The following CNTROB variants were observed in gnomAD, a reference collection of about 807,000 sequenced individuals.
The protein encoded by CNTROB is centrobin, centriole duplication and spindle assembly protein, also known as centrobin.
A neutral mutation model predicts 115.7 loss-of-function variants in CNTROB; 82 were observed. The ratio of observed to expected loss-of-function variants is 0.71; its 90% CI spans 0.59 to 0.85. CNTROB has a LOEUF of 0.85. Among genes scored for constraint, CNTROB ranks in the 40% least tolerant of loss-of-function variants. CNTROB has a pLI of 0.00. For synonymous variants in CNTROB, 439 were observed against 456.4 expected (o/e 0.96, Z 0.49); for missense variants, 1,014 against 1,144.4 (o/e 0.89, Z 1.64).
In CNTROB at chr17:7,944,783, T is replaced by G. The variant is rs960221347; in HGVS notation, c.1734+145T>G. ...GCCTCGAACTCCTGGGCTCAAGTGA[T>G]CCTCCCACCTCTAACTCCCAAAGTG... On this transcript the variant is annotated intron_variant, in intron 12 of 18. Coordinates refer to ENST00000563694, the MANE Select transcript of CNTROB (RefSeq NM_053051.5). The surrounding 1 kb of genome is among the most constrained non-coding windows in gnomAD (Gnocchi z 4.0). 3 of 903,130 alleles carry G rather than the reference T, an allele frequency of 3.3e-6. No homozygotes were observed. In the African/African-American group the frequency reaches 5.0e-5, roughly 15 times the overall value. The allele number at this position is 903,130 out of a possible 1,614,324, so 55.9% of individuals were successfully genotyped here.
intron 9 of CNTROB, among the ~76,000 whole-genome samples, chr17:7,940,468 G>T (rs1437391075): frequency 3.9e-5 from 6 of 152,128 alleles, no homozygotes; most frequent in African/African-American, 1.2e-4. Flanking sequence ...TTACTTTTAG[G>T]ATTAAATAGA....
chr17:7,940,956 C>T (rs1034264428), intron 9 of CNTROB, among the ~76,000 whole-genome samples: 9 of 152,104 alleles, frequency 5.9e-5, no homozygotes, highest in Non-Finnish European at 8.8e-5. Context: ...ATAAACTGTA[C>T]GTAAACAAAT....
rs779746600 is a variant in CNTROB, at chr17:7,949,431, C to T, written c.2633C>T (p.Thr878Ile). 108 of 1,614,064 alleles carry T rather than the reference C, an allele frequency of 6.7e-5. No individual in the cohort carries two copies. Among genetic ancestry groups the T allele is most frequent in the Non-Finnish European group, 9.1e-5 (107 of 1,180,032 alleles). The change falls in exon 19 of 19, where the codon ACT becomes ATT. Residue 878 changes from threonine to isoleucine, a missense_variant. By Grantham distance (89) the Thr-to-Ile change is moderately conservative (BLOSUM62 -1). Coordinates refer to ENST00000563694, the MANE Select transcript of CNTROB (RefSeq NM_053051.5). ...VPRRLATAPKTEKPPARKKSG... is the reference protein window; with the variant it reads ...VPRRLATAPKIEKPPARKKSG... The stretch of plus-strand genomic sequence containing the variant: ...CGCCGCCTTGCTACAGCCCCCAAGA[C>T]TGAAAAACCTCCCGCACGGAAGAAA...
rs750484204 is a variant in CNTROB at position 7,949,668 on chromosome 17, TTA to T, written c.*162_*163del. The T allele has an allele frequency of 8.1e-5, 51 of 627,568 alleles. No individual in the cohort carries two copies. The highest frequency in any genetic ancestry group is 1.1e-4 in the Non-Finnish European group (45 of 394,442). 38.9% of individuals were successfully genotyped at this position (627,568 alleles called of 1,614,324 possible). A position where few individuals can be genotyped will look rare whatever the true frequency, so the allele number is the denominator to read the frequency against. On this transcript the variant is annotated 3_prime_UTR_variant, in exon 19 of 19. Coordinates refer to ENST00000563694, the MANE Select transcript of CNTROB (RefSeq NM_053051.5). Reference sequence around the variant, plus strand: ...AACCACATTTGGTTGAGTACTTTTTTTATATGTTACATGTTTATATGTCATTT... The same window carrying T: ...AACCACATTTGGTTGAGTACTTTTTTTATGTTACATGTTTATATGTCATTT...
At chr17:7,935,381 A>G (rs1478994769) in intron 4 of CNTROB, among the ~76,000 whole-genome samples, 1 of 152,016 alleles carries the variant, frequency 6.6e-6, no homozygotes, top group African/African-American at 2.4e-5. Context: ...GGGTGCCTGT[A>G]GTCCCAGCTA....
chr17:7,947,117 C>T (rs1329493410), intron 13 of CNTROB, among the ~76,000 whole-genome samples: 1 of 149,994 alleles, frequency 6.7e-6, no homozygotes, highest in Non-Finnish European at 1.5e-5. Context: ...GCCGAGATCG[C>T]GCCGCTGCAC....
chr17:7,932,951 C>T lies in CNTROB; in HGVS notation c.-129C>T. 1 of 1,046,726 alleles carries T rather than the reference C, an allele frequency of 9.6e-7. No homozygotes were observed. The highest frequency in any genetic ancestry group is 1.4e-6 in the Non-Finnish European group (1 of 720,304). 64.8% of individuals were successfully genotyped at this position (1,046,726 alleles called of 1,614,324 possible). On this transcript the variant is annotated 5_prime_UTR_variant, in exon 1 of 19. Coordinates refer to ENST00000563694, the MANE Select transcript of CNTROB (RefSeq NM_053051.5). ...AGAAAGCCTCGATATCCTTAATTCACCAAGGATCCTTGGCGTGGAGTCTTC... is the reference window on the plus strand; with the variant it reads ...AGAAAGCCTCGATATCCTTAATTCATCAAGGATCCTTGGCGTGGAGTCTTC...
In CNTROB at chr17:7,944,541, G is replaced by A. The variant is rs540968480; in HGVS notation, c.1637G>A (p.Arg546Gln). 27 of 1,614,148 alleles carry A rather than the reference G, an allele frequency of 1.7e-5. No individual in the cohort carries two copies. Among genetic ancestry groups the A allele is most frequent in the Admixed American group, 3.3e-5 (2 of 60,018 alleles). Residue 546 changes from arginine (R) to glutamine (Q), a missense_variant, in exon 12 of 19, where the codon CGG becomes CAG. By Grantham distance (43) the Arg-to-Gln change is conservative (BLOSUM62 1). Coordinates refer to ENST00000563694, the MANE Select transcript of CNTROB (RefSeq NM_053051.5). This position sits in a 1 kb window ranked among gnomAD's most constrained non-coding sequence, Gnocchi z 4.0. Reference sequence around the variant, plus strand: ...GGGAACCAGCAGCTGGAGGAGCAGCGGGTGGAGCTGGTGGAAAGACTGCAG... The same window carrying A: ...GGGAACCAGCAGCTGGAGGAGCAGCAGGTGGAGCTGGTGGAAAGACTGCAG... ...QSGNQQLEEQ[R>Q]VELVERLQAM...
chr17:7,933,094 T>C lies in CNTROB; in HGVS notation c.15T>C (p.Ala5=), dbSNP rs754532425. The stretch of plus-strand genomic sequence containing the variant: ...TCCCTGTATTCATGGCAACATCAGC[T>C]GACAGCCCCAGTTCACCCCTCGGGG... The part of the protein sequence containing the change: MATS[A]DSPSSPLGAE... The change falls in exon 1 of 19, where the codon GCT becomes GCC. Residue 5 remains alanine, a synonymous_variant. Coordinates refer to ENST00000563694, the MANE Select transcript of CNTROB (RefSeq NM_053051.5). The C allele has an allele frequency of 6.2e-7, 1 of 1,614,008 alleles. No homozygotes were observed. Among genetic ancestry groups the C allele is most frequent in the Non-Finnish European group, 8.5e-7 (1 of 1,179,944 alleles).
Position 7,944,560 on chromosome 17 carries a change from A to T in CNTROB, c.1656A>T (p.Arg552Ser). ...LEEQRVELVE[R>S]LQAMLQAHWD... ...AGCAGCGGGTGGAGCTGGTGGAAAG[A>T]CTGCAGGCCATGCTGCAGGCCCACT... The change falls in exon 12 of 19, where the codon AGA (arginine) becomes AGT (serine). Residue 552 changes from arginine to serine, a missense_variant. Physicochemically the swap from Arg to Ser is moderately radical, Grantham distance 110. Coordinates refer to ENST00000563694, the MANE Select transcript of CNTROB (RefSeq NM_053051.5). This position sits in a 1 kb window ranked among gnomAD's most constrained non-coding sequence, Gnocchi z 4.0. 1 of 1,614,058 alleles carries T rather than the reference A, an allele frequency of 6.2e-7. No individual in the cohort carries two copies. The highest frequency in any genetic ancestry group is 8.5e-7 in the Non-Finnish European group (1 of 1,179,940).
At position 7,939,227 on chromosome 17, in the gene CNTROB, G is replaced by C. The variant is rs1232301745; in HGVS notation, c.928-286G>C. Among the ~76,000 whole-genome samples the C allele has an allele frequency of 6.6e-6, 1 of 151,820 alleles. No individual in the cohort carries two copies. The highest frequency in any genetic ancestry group is 2.4e-5 in the African/African-American group (1 of 41,278). ...CCTGCCTTTGCCTCCCAAGTAGCTG[G>C]AATTACAGGCACCCACCACCACGCC... On this transcript the variant is annotated intron_variant, in intron 7 of 18. Transcript: ENST00000563694. The surrounding 1 kb of genome is among the most constrained non-coding windows in gnomAD (Gnocchi z 4.4).
intron 7 of CNTROB, among the ~76,000 whole-genome samples, chr17:7,937,966 A>T (rs1973385963): frequency 2.0e-5 from 3 of 149,598 alleles, no homozygotes. Context: ...TGGCCAAAAA[A>T]GGTATGAAAT....
At position 7,944,763 on chromosome 17, in the gene CNTROB, G is replaced by A. The variant is rs553292897; in HGVS notation, c.1734+125G>A. 1.4e-5 allele frequency: 16 copies of A among 1,146,120 alleles called. No individual in the cohort carries two copies. The South Asian group carries it at 2.1e-4, about 15-fold the overall frequency. The allele number at this position is 1,146,120 out of a possible 1,614,324, so 71.0% of individuals were successfully genotyped here. ...TGAGATCATAGCTCATTGCAGCCTC[G>A]AACTCCTGGGCTCAAGTGATCCTCC... On this transcript the variant is annotated intron_variant, in intron 12 of 18. Transcript: ENST00000563694. This position sits in a 1 kb window ranked among gnomAD's most constrained non-coding sequence, Gnocchi z 4.0.
In CNTROB at chr17:7,949,636, G is replaced by C. The variant is rs548746376; in HGVS notation, c.*126G>C. ...TAGAGGTTTTGTAGGGAATCACTTC[G>C]TAAAGAAACCACATTTGGTTGAGTA... is the stretch of plus-strand genomic sequence containing the variant. On this transcript the variant is annotated 3_prime_UTR_variant, in exon 19 of 19. Coordinates refer to ENST00000563694, the MANE Select transcript of CNTROB (RefSeq NM_053051.5). 1.1e-6 allele frequency: 1 copy of C among 922,166 alleles called. No homozygotes were observed. Among genetic ancestry groups the C allele is most frequent in the Non-Finnish European group, 1.5e-6 (1 of 655,728 alleles). 57.1% of individuals were successfully genotyped at this position (922,166 alleles called of 1,614,324 possible). A position where few individuals can be genotyped will look rare whatever the true frequency, so the allele number is the denominator to read the frequency against.
At position 7,948,509 on chromosome 17, in the gene CNTROB, A is replaced by G. The variant is rs1974827437; in HGVS notation, c.2403A>G (p.Pro801=). Residue 801 remains proline, a synonymous_variant, in exon 17 of 19, where the codon CCA becomes CCG. Coordinates refer to ENST00000563694, the MANE Select transcript of CNTROB (RefSeq NM_053051.5). This position sits in a 1 kb window ranked among gnomAD's most constrained non-coding sequence, Gnocchi z 4.4. The part of the protein sequence containing the change: ...PERGGDGLTF[P]RQLMEVSQLL... The stretch of plus-strand genomic sequence containing the variant: ...CAGGTGGAGATGGGCTTACATTCCC[A>G]AGGCAGCTGATGGAGGTGTCTCAAC... The G allele has an allele frequency of 4.3e-6, 7 of 1,613,902 alleles. No individual in the cohort carries two copies. The highest frequency in any genetic ancestry group is 5.9e-6 in the Non-Finnish European group (7 of 1,180,018).
intron 7 of CNTROB, among the ~76,000 whole-genome samples, chr17:7,938,359 A>T (rs1973455614): frequency 6.6e-6 from 1 of 151,646 alleles, no homozygotes; most frequent in African/African-American, 2.4e-5. Context: ...CATATGAATT[A>T]GTAGCTGGGA....
chr17:7,947,927 AGT>A lies in CNTROB; in HGVS notation c.2159_2160del (p.Val720AlafsTer5). 1 of 1,614,058 alleles carries A rather than the reference AGT, an allele frequency of 6.2e-7. No individual in the cohort carries two copies. Among genetic ancestry groups the A allele is most frequent in the Non-Finnish European group, 8.5e-7 (1 of 1,179,926 alleles). On this transcript the variant is annotated frameshift_variant, in exon 15 of 19. Coordinates refer to ENST00000563694, the MANE Select transcript of CNTROB (RefSeq NM_053051.5). LOFTEE classifies it high-confidence loss of function. Reference protein sequence around the residue: ...KNFLHQLLETVPQNNENPSVD... With the variant: ...KNFLHQLLETXPQNNENPSVD... ...TTATTCACCCACAGTTGCTGGAGAC[AGT>A]GCCCCAGAACAATGAGAACCCTTCT...
At position 7,932,903 on chromosome 17, in the gene CNTROB, T is replaced by C. The variant is rs1461710178; in HGVS notation, c.-177T>C. 2 of 663,808 alleles carry C rather than the reference T, an allele frequency of 3.0e-6. No homozygotes were observed. Among genetic ancestry groups the C allele is most frequent in the African/African-American group, 1.8e-5 (1 of 55,094 alleles). 41.1% of individuals were successfully genotyped at this position (663,808 alleles called of 1,614,324 possible). ...TGCCCACTCCCATGGCCCCTGGAAC[T>C]GGTGGAAACCTTTCCTCTAACCAGA... On this transcript the variant is annotated 5_prime_UTR_variant, in exon 1 of 19. Coordinates refer to ENST00000563694, the MANE Select transcript of CNTROB (RefSeq NM_053051.5).
rs771461071 is a variant in CNTROB, at chr17:7,940,199, G to A, written c.1268G>A (p.Arg423Gln). The change falls in exon 9 of 19, where the codon CGG becomes CAG. Residue 423 changes from arginine to glutamine, a missense_variant. Transcript: ENST00000563694. ...CTGGAAGGAGAGCTGGATACAGCTC[G>A]GAGAGAGAGAGATGCCCTGCAGCTG... ...RRLEGELDTA[R>Q]RERDALQLEM... 3.2e-5 allele frequency: 52 copies of A among 1,611,582 alleles called. No individual in the cohort carries two copies. Among genetic ancestry groups the A allele is most frequent in the African/African-American group, 5.3e-5 (4 of 74,822 alleles).
Sources: allele counts gnomAD v4.1 joint callset (sites outside exome capture counted in the v4.1 genomes callset), GRCh38; gene constraint gnomAD v4.1.1; non-coding constraint Gnocchi (gnomAD v3.1); transcripts MANE v1.5; gene names NCBI Gene and HGNC (gene_info 2026-07-23, HGNC 2026-07-21).